ROBO1: variants seen among roughly 807,000 people sequenced by gnomAD.
The protein encoded by ROBO1 is roundabout guidance receptor 1.
In ROBO1, 149 loss-of-function variants were observed where a neutral mutation model predicts 195.9. The observed-to-expected ratio is 0.76, with a 90% CI of 0.67 to 0.87. The LOEUF (loss-of-function observed/expected upper bound fraction) is 0.87. ROBO1 is among the 40% of genes least tolerant of loss of function. The probability of loss-of-function intolerance (pLI) is 0.00; values close to 1 mark genes in which losing one functional copy is unlikely to be tolerated. For missense variants in ROBO1, 1,933 were observed against 2,068.3 expected (o/e 0.93, Z 1.27); for synonymous variants, 816 against 733.2 (o/e 1.11, Z -1.82).
intron 2 of ROBO1, among the ~76,000 whole-genome samples, chr3:79,431,604 C>A (rs1174173130): frequency 6.6e-6 from 1 of 152,060 alleles, no homozygotes; most frequent in Non-Finnish European, 1.5e-5. Context: ...AAGTACAAAT[C>A]ATTTACTAGG....
intron 2 of ROBO1, among the ~76,000 whole-genome samples, chr3:79,545,278 C>T (rs759023569): frequency 2.0e-5 from 3 of 152,152 alleles, no homozygotes; most frequent in South Asian, 2.1e-4. Flanking sequence ...ATAAAAGTCA[C>T]GTCCTGAAAA....
intron 3 of ROBO1, among the ~76,000 whole-genome samples, chr3:79,084,587 C>T (rs1439378417): frequency 2.0e-5 from 3 of 152,130 alleles, no homozygotes; most frequent in African/African-American, 7.2e-5. Context: ...CAGGAATTTC[C>T]TCAAATGCTT....
At chr3:79,005,171 C>T (rs1195246178) in intron 3 of ROBO1, among the ~76,000 whole-genome samples, 1 of 152,200 alleles carries the variant, frequency 6.6e-6, no homozygotes, top group African/African-American at 2.4e-5. Flanking sequence ...TTTCCAGCTT[C>T]AAATGAATCA....
chr3:79,208,763 G>A (rs138512429), intron 2 of ROBO1, among the ~76,000 whole-genome samples: 13 of 151,558 alleles, frequency 8.6e-5, no homozygotes, highest in African/African-American at 3.1e-4. Flanking sequence ...GTTGGCGGGG[G>A]CATGGTGTGG....
chr3:78,934,333 TAA>T (rs1160167743), intron 4 of ROBO1, among the ~76,000 whole-genome samples: 1 of 151,942 alleles, frequency 6.6e-6, no homozygotes, highest in Non-Finnish European at 1.5e-5. Flanking sequence ...AAATGGTGTT[TAA>T]AAATTGAAAC....
At chr3:79,720,656 A>C (rs1243760676) in intron 1 of ROBO1, among the ~76,000 whole-genome samples, 3 of 152,202 alleles carry the variant, frequency 2.0e-5, no homozygotes, top group African/African-American at 7.2e-5. Flanking sequence ...AGGAGCATAA[A>C]GTATGCTCAA....
At chr3:79,217,204 G>A (rs927701688) in intron 2 of ROBO1, among the ~76,000 whole-genome samples, 3 of 152,060 alleles carry the variant, frequency 2.0e-5, no homozygotes, top group Non-Finnish European at 4.4e-5. Context: ...ACAGTGACAC[G>A]TGCTATGAAA....
chr3:78,733,910 T>G (rs1179013632), intron 5 of ROBO1, among the ~76,000 whole-genome samples: 1 of 152,220 alleles, frequency 6.6e-6, no homozygotes, highest in Non-Finnish European at 1.5e-5. Flanking sequence ...TTTGCATGTC[T>G]GCTTTCTATG....
At chr3:78,712,045 A>ACC (rs2081769523) in intron 8 of ROBO1, among the ~76,000 whole-genome samples, 1 of 149,692 alleles carries the variant, frequency 6.7e-6, no homozygotes, top group African/African-American at 2.4e-5. Context: ...AAAAAAAAAA[A>ACC]AAAAACTCTC....
At chr3:79,369,141 C>T (rs1323795028) in intron 2 of ROBO1, among the ~76,000 whole-genome samples, 1 of 152,058 alleles carries the variant, frequency 6.6e-6, no homozygotes, top group Non-Finnish European at 1.5e-5. Context: ...GTGTATACAT[C>T]ATCAAAATGA....
chr3:79,451,986 A>C (rs2039456458), intron 2 of ROBO1, among the ~76,000 whole-genome samples: 1 of 151,596 alleles, frequency 6.6e-6, no homozygotes, highest in African/African-American at 2.4e-5. Flanking sequence ...TTATTCACTT[A>C]TTTCCCAATT....
intron 1 of ROBO1, among the ~76,000 whole-genome samples, chr3:79,651,939 T>G (rs1946021596): frequency 6.6e-6 from 1 of 152,136 alleles, no homozygotes. Context: ...TAGGTCACAG[T>G]ACAGTTCAAC....
At chr3:78,669,695 A>G (rs1040842078) in intron 11 of ROBO1, among the ~76,000 whole-genome samples, 4 of 152,218 alleles carry the variant, frequency 2.6e-5, no homozygotes, top group African/African-American at 9.6e-5. Context: ...AAATGCTGAA[A>G]CAAACACTTA....
intron 1 of ROBO1, among the ~76,000 whole-genome samples, chr3:79,664,977 A>G (rs1946434422): frequency 6.6e-6 from 1 of 152,008 alleles, no homozygotes; most frequent in Non-Finnish European, 1.5e-5. Context: ...TATTTTGCAT[A>G]TATATTAATA....
At chr3:79,260,309 C>T (rs1054182137) in intron 2 of ROBO1, among the ~76,000 whole-genome samples, 6 of 151,800 alleles carry the variant, frequency 4.0e-5, no homozygotes, top group Non-Finnish European at 7.4e-5. Flanking sequence ...TTTTGTGAGG[C>T]TCAGAATCAC....
chr3:78,673,565 TATATA>T (rs1559727760), intron 10 of ROBO1, among the ~76,000 whole-genome samples: 26 of 20,110 alleles, frequency 1.3e-3, no homozygotes, highest in African/African-American at 5.7e-3. Context: ...ATATATTTTA[TATATA>T]TATATATATA....
At chr3:79,538,903 C>T (rs761188499) in intron 2 of ROBO1, among the ~76,000 whole-genome samples, 2 of 152,078 alleles carry the variant, frequency 1.3e-5, no homozygotes, top group Non-Finnish European at 2.9e-5. Context: ...GTTTGGAACT[C>T]ATGTTAAGAT....
intron 1 of ROBO1, among the ~76,000 whole-genome samples, chr3:79,766,885 C>T (rs969034931): frequency 2.6e-5 from 4 of 152,186 alleles, no homozygotes; most frequent in Non-Finnish European, 5.9e-5. Flanking sequence ...TGGAGCGCTT[C>T]CTGGTTCGTC....
At chr3:79,443,781 A>G (rs572485102) in intron 2 of ROBO1, among the ~76,000 whole-genome samples, 1 of 152,242 alleles carries the variant, frequency 6.6e-6, no homozygotes, top group African/African-American at 2.4e-5. Context: ...AACAATTTGC[A>G]TAATTTATTA....
Sources: gnomAD v4.1 joint callset for allele counts (sites outside exome capture counted in the v4.1 genomes callset) on GRCh38, gnomAD v4.1.1 for gene constraint, MANE v1.5 for transcripts, NCBI Gene and HGNC (gene_info 2026-07-23, HGNC 2026-07-21) for gene names.